Variants in B3GALT1 observed in about 807,000 individuals in gnomAD.
B3GALT1 encodes the protein beta-1,3-galactosyltransferase 1, also known as UDP-Gal:betaGlcNAc beta 1,3-galactosyltransferase, polypeptide 1.
Under a neutral mutation model 23.2 loss-of-function variants are expected in B3GALT1, and 10 were observed. That is an observed-to-expected ratio of 0.43 (90% CI 0.27 to 0.73). The LOEUF (loss-of-function observed/expected upper bound fraction) is 0.73, where lower values mean the gene tolerates loss of function less well. Among genes scored for constraint, B3GALT1 ranks in the 30% least tolerant of loss-of-function variants. B3GALT1 has a pLI of 0.21. For synonymous variants in B3GALT1, 156 were observed against 141.5 expected (o/e 1.10, Z -0.73); for missense variants, 299 against 405.4 (o/e 0.74, Z 2.25).
intron 2 of B3GALT1, among the ~76,000 whole-genome samples, chr2:167,543,125 G>C (rs1422670135): frequency 1.3e-5 from 2 of 152,012 alleles, no homozygotes; most frequent in African/African-American, 2.4e-5. Context: ...AATAACAGAG[G>C]AAAATTACAA....
intron 2 of B3GALT1, among the ~76,000 whole-genome samples, chr2:167,554,550 T>A (rs1336714704): frequency 2.3e-4 from 35 of 152,222 alleles, no homozygotes; most frequent in Admixed American, 2.3e-3. Context: ...GACATACTCT[T>A]AGTTTTCTTC....
chr2:167,315,100 C>T (rs1412203113), intron 1 of B3GALT1, among the ~76,000 whole-genome samples: 3 of 151,972 alleles, frequency 2.0e-5, no homozygotes, highest in African/African-American at 7.2e-5. Flanking sequence ...TTCTTACAAC[C>T]TAATTGAAAT....
chr2:167,479,763 G>A (rs1465607518), intron 1 of B3GALT1, among the ~76,000 whole-genome samples: 5 of 152,036 alleles, frequency 3.3e-5, no homozygotes, highest in Non-Finnish European at 4.4e-5. Flanking sequence ...CACCGAGACC[G>A]TGGTATTGTA....
chr2:167,413,978 T>C (rs1446382195), intron 1 of B3GALT1, among the ~76,000 whole-genome samples: 1 of 152,144 alleles, frequency 6.6e-6, no homozygotes, highest in African/African-American at 2.4e-5. Flanking sequence ...ATATTTAATA[T>C]ATCAGTATTG....
At chr2:167,354,472 G>A (rs1449835905) in intron 1 of B3GALT1, among the ~76,000 whole-genome samples, 2 of 151,324 alleles carry the variant, frequency 1.3e-5, no homozygotes, top group African/African-American at 4.9e-5. Context: ...TCAGCCTCCT[G>A]AGTAGCTAGG....
At chr2:167,416,950 A>T (rs1698480848) in intron 1 of B3GALT1, among the ~76,000 whole-genome samples, 1 of 152,174 alleles carries the variant, frequency 6.6e-6, no homozygotes, top group Non-Finnish European at 1.5e-5. Flanking sequence ...TTGTATCTTG[A>T]AAGTAGATAA....
chr2:167,797,204 A>G (rs1440746070), intron 3 of B3GALT1, among the ~76,000 whole-genome samples: 1 of 152,046 alleles, frequency 6.6e-6, no homozygotes, highest in Non-Finnish European at 1.5e-5. Context: ...ATTAGCTCCC[A>G]CTTATAAGTG....
At chr2:167,590,655 T>C (rs1323633660) in intron 2 of B3GALT1, among the ~76,000 whole-genome samples, 2 of 152,196 alleles carry the variant, frequency 1.3e-5, no homozygotes, top group South Asian at 2.1e-4. Flanking sequence ...GATGACTTAG[T>C]GGCCAAAACT....
intron 1 of B3GALT1, among the ~76,000 whole-genome samples, chr2:167,451,856 G>A (rs914667342): frequency 3.9e-5 from 6 of 152,192 alleles, no homozygotes. Flanking sequence ...GACAGGGCTT[G>A]CCGTGGCTGC....
chr2:167,469,261 C>T (rs76068224), intron 1 of B3GALT1, among the ~76,000 whole-genome samples: 5,843 of 152,206 alleles, frequency 0.038, 345 homozygotes, highest in African/African-American at 0.13. Context: ...CTTTGGGAAT[C>T]TTACTTATTA....
chr2:167,823,148 G>A (rs6744489), intron 4 of B3GALT1, among the ~76,000 whole-genome samples: 24,072 of 152,124 alleles, frequency 0.16, 2,228 homozygotes, highest in East Asian at 0.35. Flanking sequence ...GGTGAAGAAA[G>A]CCTGGGTTCC....
At chr2:167,630,417 C>T (rs538135687) in intron 2 of B3GALT1, among the ~76,000 whole-genome samples, 13 of 151,664 alleles carry the variant, frequency 8.6e-5, no homozygotes, top group Non-Finnish European at 1.8e-4. Flanking sequence ...AATACAAGTT[C>T]TACAGAAATC....
At chr2:167,306,224 T>A (rs532983935) in intron 1 of B3GALT1, among the ~76,000 whole-genome samples, 1 of 152,152 alleles carries the variant, frequency 6.6e-6, no homozygotes, top group Non-Finnish European at 1.5e-5. Context: ...CATTTGAGAA[T>A]AATATGCAAC....
At chr2:167,464,272 G>T (rs1699311248) in intron 1 of B3GALT1, among the ~76,000 whole-genome samples, 1 of 151,952 alleles carries the variant, frequency 6.6e-6, no homozygotes, top group Non-Finnish European at 1.5e-5. Context: ...TCTTGAAGGG[G>T]TCACCTGAAA....
chr2:167,807,712 G>T lies in B3GALT1; in HGVS notation c.-351-10960G>T, dbSNP rs184166002. On this transcript the variant is annotated intron_variant, in intron 3 of 4. Transcript: ENST00000392690. ...TTATAATTTCTGTTCTTTTACATTT[G>T]CTGAGGAGTGCTTTACTTCCAACTA... 7.2e-4 allele frequency among the ~76,000 whole-genome samples: 109 copies of T among 152,302 alleles called. 1 individual carries two copies. The highest frequency in any genetic ancestry group is 2.4e-3 in the African/African-American group (101 of 41,570).
intron 3 of B3GALT1, among the ~76,000 whole-genome samples, chr2:167,662,890 C>G (rs1466066333): frequency 6.6e-6 from 1 of 152,066 alleles, no homozygotes; most frequent in Non-Finnish European, 1.5e-5. Context: ...GATATATATG[C>G]ATATGACTGC....
intron 2 of B3GALT1, among the ~76,000 whole-genome samples, chr2:167,546,608 T>A (rs1324320988): frequency 6.6e-6 from 1 of 152,082 alleles, no homozygotes; most frequent in African/African-American, 2.4e-5. Context: ...GTAAGCTAAT[T>A]CTTCACTACA....
At chr2:167,562,957 G>C (rs930133422) in intron 2 of B3GALT1, among the ~76,000 whole-genome samples, 10 of 152,250 alleles carry the variant, frequency 6.6e-5, no homozygotes, top group Admixed American at 5.9e-4. Context: ...AGAGAGCACA[G>C]GGTTGGGGGC....
At chr2:167,385,705 T>G (rs1341321998) in intron 1 of B3GALT1, among the ~76,000 whole-genome samples, 5 of 152,176 alleles carry the variant, frequency 3.3e-5, no homozygotes, top group Admixed American at 6.5e-5. Context: ...AAAGCATAAC[T>G]TCAGAGATGC....
Sources: allele counts gnomAD v4.1 joint callset (sites outside exome capture counted in the v4.1 genomes callset), GRCh38; gene constraint gnomAD v4.1.1; transcripts MANE v1.5; gene names NCBI Gene and HGNC (gene_info 2026-07-23, HGNC 2026-07-21).